The following GRM8 variants were observed in gnomAD, a reference collection of about 807,000 sequenced individuals.
GRM8 encodes the protein glutamate metabotropic receptor 8, also known as metabotropic glutamate receptor 8.
Under a neutral mutation model 87.2 loss-of-function variants are expected in GRM8, and 47 were observed. That is an observed-to-expected ratio of 0.54 (90% confidence interval 0.43 to 0.69). The LOEUF (loss-of-function observed/expected upper bound fraction) is 0.69. GRM8 is among the 30% of genes least tolerant of loss of function. The pLI, the probability that GRM8 is intolerant of heterozygous loss-of-function variation, is 0.00. For missense variants in GRM8, 1,019 were observed against 1,139.2 expected (o/e 0.89, Z 1.52); for synonymous variants, 396 against 404.5 (o/e 0.98, Z 0.25).
chr7:126,479,586 C>A (rs1563053353), intron 9 of GRM8, among the ~76,000 whole-genome samples: 5 of 152,080 alleles, frequency 3.3e-5, no homozygotes. Flanking sequence ...AATATTTCAT[C>A]ATATAGATAA....
At chr7:126,633,471 C>T (rs1387933264) in intron 7 of GRM8, among the ~76,000 whole-genome samples, 2 of 152,098 alleles carry the variant, frequency 1.3e-5, no homozygotes, top group East Asian at 3.9e-4. Flanking sequence ...GTTATTCGCT[C>T]TTGGTCTGTG....
At chr7:126,830,119 T>C (rs1024736813) in intron 6 of GRM8, among the ~76,000 whole-genome samples, 2 of 152,238 alleles carry the variant, frequency 1.3e-5, no homozygotes, top group Non-Finnish European at 2.9e-5. Flanking sequence ...GAGCTTTCTC[T>C]CTGGCTGCCC....
At chr7:127,144,540 A>G (rs1828448983) in intron 2 of GRM8, among the ~76,000 whole-genome samples, 1 of 152,172 alleles carries the variant, frequency 6.6e-6, no homozygotes, top group Admixed American at 6.6e-5. Context: ...GGTTTGCATG[A>G]AAAAGAAAAA....
At chr7:126,949,719 C>A (rs762420199) in intron 3 of GRM8, among the ~76,000 whole-genome samples, 6 of 152,124 alleles carry the variant, frequency 3.9e-5, no homozygotes, top group African/African-American at 7.2e-5. Context: ...TATGTCTCAG[C>A]ACCATCCAGA....
chr7:126,629,940 A>C (rs1801090817), intron 7 of GRM8, among the ~76,000 whole-genome samples: 1 of 152,170 alleles, frequency 6.6e-6, no homozygotes, highest in African/African-American at 2.4e-5. Flanking sequence ...TGATGAAAAC[A>C]ATAATTATTA....
intron 2 of GRM8, among the ~76,000 whole-genome samples, chr7:127,148,344 C>T (rs565135342): frequency 7.9e-5 from 12 of 151,246 alleles, no homozygotes; most frequent in South Asian, 2.1e-4. Context: ...ATAATGGACA[C>T]GGGGAAATAG....
At chr7:127,137,061 C>T (rs1563536250) in intron 2 of GRM8, among the ~76,000 whole-genome samples, 1 of 152,072 alleles carries the variant, frequency 6.6e-6, no homozygotes, top group Non-Finnish European at 1.5e-5. Context: ...GTCATTCAGA[C>T]CTCCAAGTTC....
chr7:126,900,728 T>A (rs538195188), intron 6 of GRM8, among the ~76,000 whole-genome samples: 1 of 152,286 alleles, frequency 6.6e-6, no homozygotes, highest in South Asian at 2.1e-4. Context: ...CAGGCTGGTC[T>A]CAAACTCCTG....
chr7:126,647,994 A>G (rs1803356043), intron 7 of GRM8, among the ~76,000 whole-genome samples: 1 of 152,208 alleles, frequency 6.6e-6, no homozygotes, highest in Non-Finnish European at 1.5e-5. Context: ...AACAATGAAC[A>G]ATTTAGATTC....
intron 3 of GRM8, among the ~76,000 whole-genome samples, chr7:126,958,509 C>T (rs1027832445): frequency 2.0e-5 from 3 of 152,188 alleles, no homozygotes; most frequent in African/African-American, 4.8e-5. Flanking sequence ...TGCCCCACTG[C>T]GGCAGCCAGC....
chr7:127,079,925 G>C (rs140305279), intron 3 of GRM8, among the ~76,000 whole-genome samples: 1 of 152,070 alleles, frequency 6.6e-6, no homozygotes, highest in African/African-American at 2.4e-5. Context: ...GAACATAAAC[G>C]ATTGTAACAC....
intron 6 of GRM8, among the ~76,000 whole-genome samples, chr7:126,853,122 G>A (rs1205087676): frequency 6.6e-6 from 1 of 152,148 alleles, no homozygotes; most frequent in Non-Finnish European, 1.5e-5. Context: ...AATACCAGTA[G>A]TACTTGCTTC....
chr7:126,749,585 T>C (rs1816158105), intron 7 of GRM8, among the ~76,000 whole-genome samples: 1 of 150,418 alleles, frequency 6.6e-6, no homozygotes, highest in African/African-American at 2.4e-5. Flanking sequence ...TATATTTAAT[T>C]AATAAAGGTC....
At chr7:126,455,344 A>G (rs1803111069) in intron 9 of GRM8, among the ~76,000 whole-genome samples, 1 of 151,554 alleles carries the variant, frequency 6.6e-6, no homozygotes, top group African/African-American at 2.4e-5. Context: ...TGGCCCCCAT[A>G]AATACACCGA....
intron 3 of GRM8, among the ~76,000 whole-genome samples, chr7:126,949,618 A>C (rs567956290): frequency 6.6e-6 from 1 of 152,284 alleles, no homozygotes; most frequent in South Asian, 2.1e-4. Context: ...TTAGATGGAA[A>C]CTTTGCTGAA....
At chr7:126,848,949 G>A (rs1796955955) in intron 6 of GRM8, among the ~76,000 whole-genome samples, 1 of 152,142 alleles carries the variant, frequency 6.6e-6, no homozygotes, top group African/African-American at 2.4e-5. Context: ...AGGCAAGGAG[G>A]AGTAAGTCAC....
At chr7:126,574,499 A>C (rs1486450906) in intron 8 of GRM8, among the ~76,000 whole-genome samples, 1 of 152,204 alleles carries the variant, frequency 6.6e-6, no homozygotes, top group African/African-American at 2.4e-5. Flanking sequence ...CCAATGCTGG[A>C]TGTGTCATCT....
intron 6 of GRM8, among the ~76,000 whole-genome samples, chr7:126,826,929 A>G (rs977404552): frequency 1.3e-5 from 2 of 152,208 alleles, no homozygotes; most frequent in Admixed American, 6.5e-5. Flanking sequence ...AGCTTTCTCC[A>G]TATGGCTAAC....
Position 126,676,335 on chromosome 7 carries a change from C to A in GRM8, c.1358-66837G>T, listed in dbSNP as rs567300886. Among the ~76,000 whole-genome samples the A allele has an allele frequency of 8.5e-5, 13 of 152,146 alleles. No homozygotes were observed. The East Asian group carries it at 2.5e-3, about 29-fold the overall frequency. On this transcript the variant is annotated intron_variant, in intron 7 of 10. Coordinates refer to ENST00000339582, the MANE Select transcript of GRM8 (RefSeq NM_000845.3). ...TCTGCAGATTCAATGCAATTCTTAT[C>A]AAAATACCAACATAATTTTTCACAG...
Sources: gnomAD v4.1 joint callset for allele counts (sites outside exome capture counted in the v4.1 genomes callset) on GRCh38, gnomAD v4.1.1 for gene constraint, MANE v1.5 for transcripts, NCBI Gene and HGNC (gene_info 2026-07-23, HGNC 2026-07-21) for gene names.